MAP4K2: variants seen among roughly 807,000 people sequenced by gnomAD.
MAP4K2 encodes the protein mitogen-activated protein kinase kinase kinase kinase 2, also known as B lymphocyte serine/threonine protein kinase.
Under a neutral mutation model 125.3 loss-of-function variants are expected in MAP4K2, and 85 were observed. That is an observed-to-expected ratio of 0.68 (90% CI 0.57 to 0.81). The LOEUF is 0.81. MAP4K2 is among the 40% of genes least tolerant of loss of function. The pLI is 0.00. For missense variants in MAP4K2, 923 were observed against 1,056.4 expected (o/e 0.87, Z 1.75); for synonymous variants, 479 against 445.1 (o/e 1.08, Z -0.96).
Position 64,800,177 on chromosome 11 carries a change from T to C in MAP4K2, c.847A>G (p.Thr283Ala), listed in dbSNP as rs1217034490. ...TCACTGGCTTTGTCCAGCAGCTGTG[T>C]GAGGAGGGCCCGAGGGAGCTGCTGA... Reference protein sequence around the residue: ...TTQQLPRALLTQLLDKASDPH... With the variant: ...TTQQLPRALLAQLLDKASDPH... The change falls in exon 12 of 32, where the codon ACA becomes GCA. Residue 283 changes from threonine to alanine, a missense_variant. Transcript: ENST00000294066. 8.7e-6 allele frequency: 14 copies of C among 1,613,070 alleles called. No individual in the cohort carries two copies. In the Admixed American group the frequency reaches 2.2e-4, roughly 25 times the overall value.
At chr11:64,799,584 C>G in intron 13 of MAP4K2, 21 bp downstream of exon 13, 2 of 1,581,074 alleles carry the variant, frequency 1.3e-6, no homozygotes, top group Non-Finnish European at 1.7e-6. Flanking sequence ...TGCACACACA[C>G]AGCCCCTGCT....
intron 15 of MAP4K2, among the ~76,000 whole-genome samples, chr11:64,798,242 C>T (rs1015884264): frequency 1.3e-5 from 2 of 151,932 alleles, no homozygotes; most frequent in African/African-American, 4.8e-5. Context: ...CTCAGCTCAC[C>T]GCAACCTCCG....
intron 7 of MAP4K2, 24 bp from the exon 8 acceptor site, chr11:64,801,207 C>CA (rs769682286): frequency 2.5e-6 from 4 of 1,608,284 alleles, no homozygotes. Context: ...CAGCCACTCT[C>CA]ACCAGCCCTC....
At position 64,791,850 on chromosome 11, in the gene MAP4K2, C is replaced by T. The variant is rs940345424; in HGVS notation, c.2092+59G>A. Reference sequence around the variant, plus strand: ...TGGGAGCCTTGGCCCTCCCTGCCTCCCTCCCTCGGTCTCTCATGCACACAC... The same window carrying T: ...TGGGAGCCTTGGCCCTCCCTGCCTCTCTCCCTCGGTCTCTCATGCACACAC... On this transcript the variant is annotated intron_variant, in intron 27 of 31. Transcript: ENST00000294066. 1.9e-5 allele frequency: 27 copies of T among 1,446,892 alleles called. No homozygotes were observed. The African/African-American group carries it at 3.7e-4, about 20-fold the overall frequency. The allele number at this position is 1,446,892 out of a possible 1,614,324, so 89.6% of individuals were successfully genotyped here.
At chr11:64,797,692 G>C in intron 15 of MAP4K2, 28 bp from the exon 16 acceptor site, 1 of 1,432,616 alleles carries the variant, frequency 7.0e-7, no homozygotes, top group Non-Finnish European at 9.3e-7. Flanking sequence ...GGGGTCAGAG[G>C]TCAACCTTTC....
At chr11:64,796,950 G>A (rs1222180288) in intron 20 of MAP4K2, 32 bp downstream of exon 20, 4 of 1,613,788 alleles carry the variant, frequency 2.5e-6, no homozygotes, top group Admixed American at 3.3e-5. Flanking sequence ...TGGCAGGGCT[G>A]TGGGACTGCA....
At position 64,789,191 on chromosome 11, in the gene MAP4K2, C is replaced by A; in HGVS notation, c.*346G>T. The A allele has an allele frequency of 2.7e-6, 1 of 364,576 alleles. No homozygotes were observed. The highest frequency in any genetic ancestry group is 5.2e-6 in the Non-Finnish European group (1 of 193,622). The allele number at this position is 364,576 out of a possible 1,614,324, so 22.6% of individuals were successfully genotyped here. A position where few individuals can be genotyped will look rare whatever the true frequency, so the allele number is the denominator to read the frequency against. On this transcript the variant is annotated 3_prime_UTR_variant, in exon 32 of 32. Coordinates refer to ENST00000294066, the MANE Select transcript of MAP4K2 (RefSeq NM_004579.5). Reference sequence around the variant, plus strand: ...GTTCTCTCTTAAATACCGTGTTTCCCAGGACAAATGCAGGGGCAGGCTCTT... The same window carrying A: ...GTTCTCTCTTAAATACCGTGTTTCCAAGGACAAATGCAGGGGCAGGCTCTT...
chr11:64,790,730 G>A (rs1335094318), intron 27 of MAP4K2, among the ~76,000 whole-genome samples: 1 of 152,194 alleles, frequency 6.6e-6, no homozygotes, highest in East Asian at 1.9e-4. Flanking sequence ...ACCAGGCCTC[G>A]TGACCCAGTC....
chr11:64,798,066 T>C (rs1284835643), intron 15 of MAP4K2, among the ~76,000 whole-genome samples: 1 of 151,020 alleles, frequency 6.6e-6, no homozygotes, highest in East Asian at 2.0e-4. Flanking sequence ...AATGGCAAGA[T>C]ATCGGCTCAC....
chr11:64,796,167 AGAC>A, intron 24 of MAP4K2, 103 bp downstream of exon 24: 3 of 1,030,306 alleles, frequency 2.9e-6, no homozygotes, highest in Non-Finnish European at 4.2e-6. Context: ...GCGCTCAGAG[AGAC>A]AACACGTCTA....
Position 64,790,384 on chromosome 11 carries a change from G to A in MAP4K2, c.2161+10C>T, listed in dbSNP as rs750957955. ...TCCCCTGCCCTAAGCCCTGCCCCCA[G>A]GGCACTCACGTTCAAAGCTGACTAG... On this transcript the variant is annotated intron_variant, in intron 28 of 31. Transcript: ENST00000294066. 16 of 1,614,016 alleles carry A rather than the reference G, an allele frequency of 9.9e-6. No individual in the cohort carries two copies. Among genetic ancestry groups the A allele is most frequent in the Non-Finnish European group, 1.4e-5 (16 of 1,180,010 alleles).
intron 4 of MAP4K2, 108 bp from the exon 5 acceptor site, chr11:64,802,229 T>TA (rs753270982): frequency 8.6e-7 from 1 of 1,156,134 alleles, no homozygotes; most frequent in South Asian, 1.3e-5. Flanking sequence ...AAAGCGGTGT[T>TA]GGCCACGTCC....
Position 64,798,830 on chromosome 11 carries a change from T to G in MAP4K2, c.1061A>C (p.Glu354Ala). The change falls in exon 15 of 32, where the codon GAA (glutamate) becomes GCA (alanine). Residue 354 changes from glutamate (E) to alanine (A), a missense_variant. Physicochemically the swap from Glu to Ala is moderately radical, Grantham distance 107 (BLOSUM62 -1). This residue lies in a region of MAP4K2 where 833 missense variants were observed against 911.4 expected (regional missense o/e 0.91). Transcript: ENST00000294066. ...TTCCTTTCCCAGTAGTGTCCACTCT[T>G]CCTCCCACTGGGGGAAACCAAGGTA... is the stretch of plus-strand genomic sequence containing the variant. ...ETDPLNEPWE[E>A]EWTLLGKEEL... 1.2e-6 allele frequency: 2 copies of G among 1,604,672 alleles called. No homozygotes were observed. Among genetic ancestry groups the G allele is most frequent in the Non-Finnish European group, 1.7e-6 (2 of 1,175,176 alleles).
rs1249930024 is a variant in MAP4K2, at chr11:64,799,691, A to G, written c.916-8T>C. 4 of 1,613,010 alleles carry G rather than the reference A, an allele frequency of 2.5e-6. No homozygotes were observed. Among genetic ancestry groups the G allele is most frequent in the Non-Finnish European group, 1.7e-6 (2 of 1,179,624 alleles). ...TGGAAACATGTCATAGGTCTAAGGA[A>G]AAACAGAAACAGTGTGGACACACCT... is the stretch of plus-strand genomic sequence containing the variant. On this transcript the variant is annotated splice_polypyrimidine_tract_variant and splice_region_variant and intron_variant, in intron 12 of 31. Transcript: ENST00000294066.
rs746570975 is a variant in MAP4K2, at chr11:64,790,417, T to C, written c.2138A>G (p.Asp713Gly). 3 of 1,614,076 alleles carry C rather than the reference T, an allele frequency of 1.9e-6. No homozygotes were observed. In the Admixed American group the frequency reaches 5.0e-5, roughly 27 times the overall value. The change falls in exon 28 of 32, where the codon GAC becomes GGC. Residue 713 changes from aspartate to glycine, a missense_variant. Coordinates refer to ENST00000294066, the MANE Select transcript of MAP4K2 (RefSeq NM_004579.5). ...ACGTTCAAAGCTGACTAGGATTGTG[T>C]CCCTGTCCACCTGGATCACCTGCTG... The part of the protein sequence containing the change: ...SAQQVIQVDR[D>G]TILVSFERCV...
At chr11:64,797,600 C>G in intron 16 of MAP4K2, 26 bp downstream of exon 16, 3 of 1,578,172 alleles carry the variant, frequency 1.9e-6, no homozygotes, top group Non-Finnish European at 2.6e-6. Context: ...TGCCCCTTGC[C>G]CCTCCCCCAG....
At chr11:64,796,214 T>A in intron 24 of MAP4K2, 59 bp downstream of exon 24, 1 of 1,434,174 alleles carries the variant, frequency 7.0e-7, no homozygotes, top group Admixed American at 2.3e-5. Flanking sequence ...GGCAAGGCCA[T>A]GTTCCAGCCC....
chr11:64,789,427 G>GCAGGGC lies in MAP4K2; in HGVS notation c.*104_*109dup, dbSNP rs2136033458. 1 of 955,864 alleles carries GCAGGGC rather than the reference G, an allele frequency of 1.0e-6. No individual in the cohort carries two copies. Among genetic ancestry groups the GCAGGGC allele is most frequent in the Admixed American group, 2.3e-5 (1 of 43,758 alleles). The allele number at this position is 955,864 out of a possible 1,614,324, so 59.2% of individuals were successfully genotyped here. On this transcript the variant is annotated 3_prime_UTR_variant, in exon 32 of 32. Transcript: ENST00000294066. Reference sequence around the variant, plus strand: ...GGATTACTTCTGACCTTCAGCCCCAGCAGGGCCAGGGCCTGGGCTCCTCTG... The same window carrying GCAGGGC: ...GGATTACTTCTGACCTTCAGCCCCAGCAGGGCCAGGGCCAGGGCCTGGGCTCCTCTG...
chr11:64,797,307 G>C lies in MAP4K2; in HGVS notation c.1244C>G (p.Pro415Arg). The change falls in exon 18 of 32, where the codon CCT becomes CGT. Residue 415 changes from proline to arginine, a missense_variant. Pro to Arg is a moderately radical substitution (Grantham distance 103). Transcript: ENST00000294066. ...APFLGPLPTD[P>R]PAEEPLSSPP... ...ACTGGACAGAGGCTCCTCTGCTGGA[G>C]GGTCAGTGGGGAGTGGCCCTAGGAA... 2 of 1,602,244 alleles carry C rather than the reference G, an allele frequency of 1.2e-6. No individual in the cohort carries two copies. Among genetic ancestry groups the C allele is most frequent in the Non-Finnish European group, 1.7e-6 (2 of 1,174,634 alleles).
Sources: gnomAD v4.1 joint callset for allele counts (sites outside exome capture counted in the v4.1 genomes callset) on GRCh38, gnomAD v4.1.1 for gene constraint, gnomAD v4.1.1 regional missense constraint, MANE v1.5 for transcripts, NCBI Gene and HGNC (gene_info 2026-07-23, HGNC 2026-07-21) for gene names.